Variants in ATOSA observed in about 807,000 individuals in gnomAD.
ATOSA encodes the protein atos homolog protein A.
chr15:52,691,498 G>C, the ATOSA span, among the ~76,000 whole-genome samples: 5 of 152,298 alleles, frequency 3.3e-5, no homozygotes, highest in Admixed American at 3.3e-4. Flanking sequence ...AGAATGAATA[G>C]ATGGCCTTAA....
At chr15:52,651,789 A>T in the ATOSA span, 3 of 1,336,898 alleles carry the variant, frequency 2.2e-6, no homozygotes, top group Non-Finnish European at 1.0e-6. Context: ...ATGCAAAGCA[A>T]GCACCACAGC....
the ATOSA span, among the ~76,000 whole-genome samples, chr15:52,631,998 C>T: frequency 6.6e-6 from 1 of 152,158 alleles, no homozygotes; most frequent in African/African-American, 2.4e-5. Flanking sequence ...GCTTCAGCCT[C>T]CCAAAGTGCT....
the ATOSA span, among the ~76,000 whole-genome samples, chr15:52,607,064 TTTGA>T: frequency 6.6e-6 from 1 of 152,322 alleles, no homozygotes; most frequent in African/African-American, 2.4e-5. Flanking sequence ...TTATAAATTG[TTTGA>T]TTATCACCAC....
At chr15:52,700,752 T>C in the ATOSA span, among the ~76,000 whole-genome samples, 1 of 152,186 alleles carries the variant, frequency 6.6e-6, no homozygotes, top group East Asian at 1.9e-4. Flanking sequence ...GCAAGCAAAA[T>C]AAACTCCTTG....
chr15:52,675,185 T>C, the ATOSA span, among the ~76,000 whole-genome samples: 4 of 152,308 alleles, frequency 2.6e-5, no homozygotes, highest in African/African-American at 9.6e-5. Flanking sequence ...TAAAATACTA[T>C]CGTACAGTAA....
the ATOSA span, chr15:52,601,193 T>A: frequency 1.4e-6 from 2 of 1,426,216 alleles, no homozygotes; most frequent in Admixed American, 2.8e-5. Context: ...ATTTGTGATA[T>A]TAAAAAAAAA....
chr15:52,643,598 T>C, the ATOSA span, among the ~76,000 whole-genome samples: 1 of 152,034 alleles, frequency 6.6e-6, no homozygotes, highest in Non-Finnish European at 1.5e-5. Context: ...CTCTTTTTTT[T>C]TTTTTTTGGA....
At chr15:52,614,817 C>T in the ATOSA span, among the ~76,000 whole-genome samples, 1 of 151,734 alleles carries the variant, frequency 6.6e-6, no homozygotes, top group Non-Finnish European at 1.5e-5. Flanking sequence ...CATTGCACTC[C>T]AGCCTGGGCG....
chr15:52,625,628 C>T, the ATOSA span, among the ~76,000 whole-genome samples: 1 of 151,724 alleles, frequency 6.6e-6, no homozygotes, highest in Middle Eastern at 3.2e-3. Context: ...AGTATCTCTG[C>T]TCTGCATCTA....
chr15:52,673,608 T>A, the ATOSA span, among the ~76,000 whole-genome samples: 1 of 152,234 alleles, frequency 6.6e-6, no homozygotes, highest in Non-Finnish European at 1.5e-5. Context: ...CTGTTGCTAC[T>A]CATACTATCA....
chr15:52,620,801 G>C, the ATOSA span, among the ~76,000 whole-genome samples: 1 of 152,106 alleles, frequency 6.6e-6, no homozygotes, highest in Non-Finnish European at 1.5e-5. Flanking sequence ...TAGCCGGTGT[G>C]GTGGCATGTG....
chr15:52,681,127 C>T, the ATOSA span, among the ~76,000 whole-genome samples: 1 of 152,178 alleles, frequency 6.6e-6, no homozygotes, highest in Non-Finnish European at 1.5e-5. Context: ...TTTTTAACAG[C>T]ACTTGGGTAA....
the ATOSA span, among the ~76,000 whole-genome samples, chr15:52,681,929 A>G: frequency 2.6e-5 from 4 of 152,346 alleles, no homozygotes; most frequent in East Asian, 1.9e-4. Flanking sequence ...GACCAAAGTC[A>G]TGGAACCAGT....
the ATOSA span, among the ~76,000 whole-genome samples, chr15:52,692,568 G>A: frequency 1.7e-3 from 263 of 152,314 alleles, 1 homozygote; most frequent in African/African-American, 6.2e-3. Flanking sequence ...TGCCCAGGCT[G>A]ATCTCAAACT....
chr15:52,705,524 C>A, the ATOSA span, among the ~76,000 whole-genome samples: 1 of 125,170 alleles, frequency 8.0e-6, no homozygotes. Flanking sequence ...AGAAATTTCC[C>A]AGAAAGAAGA....
At chr15:52,631,085 T>C in the ATOSA span, among the ~76,000 whole-genome samples, 1 of 152,230 alleles carries the variant, frequency 6.6e-6, no homozygotes, top group African/African-American at 2.4e-5. Flanking sequence ...AGCAACTGCA[T>C]GGGAGGTCAT....
the ATOSA span, among the ~76,000 whole-genome samples, chr15:52,642,361 G>A: frequency 6.6e-6 from 1 of 152,074 alleles, no homozygotes; most frequent in African/African-American, 2.4e-5. Context: ...TGAGACCTTG[G>A]GAAAAGTCAA....
the ATOSA span, chr15:52,587,200 G>T: frequency 6.2e-7 from 1 of 1,613,258 alleles, no homozygotes; most frequent in South Asian, 1.1e-5. Flanking sequence ...TTTACCAAGG[G>T]ACTCTAAAGT....
At chr15:52,678,169 G>A in the ATOSA span, 1 of 942,746 alleles carries the variant, frequency 1.1e-6, no homozygotes. Flanking sequence ...TCTAATACCC[G>A]GACCTTGCAA....
Sources: allele counts gnomAD v4.1 joint callset (sites outside exome capture counted in the v4.1 genomes callset), GRCh38; gene constraint gnomAD v4.1.1; transcripts MANE v1.5; gene names NCBI Gene and HGNC (gene_info 2026-07-23, HGNC 2026-07-21).